The following TAS2R1 variants were observed in gnomAD, a reference collection of about 807,000 sequenced individuals.
The protein encoded by TAS2R1 is taste 2 receptor member 1, also known as taste receptor type 2 member 1.
For synonymous variants in TAS2R1, 141 were observed against 134.2 expected, an observed-to-expected ratio of 1.05 and a Z score of -0.35; for missense variants, 370 against 353.4, an observed-to-expected ratio of 1.05 and a Z score of -0.38.
the TAS2R1 span, among the ~76,000 whole-genome samples, chr5:9,896,520 C>A: frequency 3.3e-4 from 50 of 152,134 alleles, no homozygotes; most frequent in East Asian, 9.7e-3. Context: ...CTTCTCTAAC[C>A]GCCGACCCAA....
At chr5:9,820,095 G>C in the TAS2R1 span, among the ~76,000 whole-genome samples, 1 of 152,006 alleles carries the variant, frequency 6.6e-6, no homozygotes, top group African/African-American at 2.4e-5. Flanking sequence ...CAGAAGTCTG[G>C]AGAAAGGGGA....
the TAS2R1 span, among the ~76,000 whole-genome samples, chr5:9,858,634 T>C: frequency 6.6e-6 from 1 of 152,218 alleles, no homozygotes; most frequent in East Asian, 1.9e-4. Flanking sequence ...TAAAAATATC[T>C]TTAAAAAGCA....
At chr5:9,815,834 T>C in the TAS2R1 span, among the ~76,000 whole-genome samples, 2 of 152,186 alleles carry the variant, frequency 1.3e-5, no homozygotes, top group African/African-American at 4.8e-5. Flanking sequence ...AACAAAACTA[T>C]ATTTATATCT....
upstream of TAS2R1, among the ~76,000 whole-genome samples, chr5:9,632,351 G>A (rs1739887047): frequency 6.6e-6 from 1 of 152,184 alleles, no homozygotes; most frequent in South Asian, 2.1e-4. Flanking sequence ...TTGGTGTAGG[G>A]TCTTGCTTCA....
Position 9,629,458 on chromosome 5 carries a change from A to G in TAS2R1, c.575T>C (p.Phe192Ser). The G allele has an allele frequency of 1.9e-6, 3 of 1,614,206 alleles. No homozygotes were observed. The South Asian group carries it at 3.3e-5, about 18-fold the overall frequency. ...EFSVPLLIFL[F>S]AVLLLIFSLG... ...AGAGAAAATCAAGAGCAAAACAGCAAAAAGGAAGATAAGCAATGGCACTGA... is the reference window on the plus strand; with the variant it reads ...AGAGAAAATCAAGAGCAAAACAGCAGAAAGGAAGATAAGCAATGGCACTGA... Residue 192 changes from phenylalanine (F) to serine (S), a missense_variant, in exon 1 of 1, where the codon TTT (phenylalanine) becomes TCT (serine). By Grantham distance (155) the Phe-to-Ser change is radical (BLOSUM62 -2). Coordinates refer to ENST00000382492, the MANE Select transcript of TAS2R1 (RefSeq NM_019599.3).
chr5:9,725,199 CCCACTGTGGCGGCA>C, the TAS2R1 span, among the ~76,000 whole-genome samples: 11 of 152,242 alleles, frequency 7.2e-5, no homozygotes, highest in African/African-American at 2.7e-4. Flanking sequence ...TGCTTGGGCT[CCCACTGTGGCGGCA>C]CTTGAGCCCT....
intron 2 of TAS2R1, among the ~76,000 whole-genome samples, chr5:9,642,418 T>A (rs1740104192): frequency 6.6e-6 from 1 of 152,212 alleles, no homozygotes; most frequent in Admixed American, 6.5e-5. Context: ...ACATCCTTTC[T>A]GAATCTTCCC....
chr5:9,771,576 C>A, the TAS2R1 span, among the ~76,000 whole-genome samples: 3 of 151,900 alleles, frequency 2.0e-5, no homozygotes, highest in East Asian at 5.8e-4. Context: ...TCAGAATAGT[C>A]TGAGTAGTAT....
the TAS2R1 span, among the ~76,000 whole-genome samples, chr5:9,804,891 A>T: frequency 6.6e-6 from 1 of 152,122 alleles, no homozygotes; most frequent in East Asian, 1.9e-4. Context: ...AATAATCAAG[A>T]TCGAGCAGAA....
chr5:9,699,632 C>T (rs1561382698), intron 1 of TAS2R1, among the ~76,000 whole-genome samples: 1 of 151,996 alleles, frequency 6.6e-6, no homozygotes, highest in Non-Finnish European at 1.5e-5. Flanking sequence ...CATAGAAGGA[C>T]CAAGTGCTGC....
At chr5:9,751,320 T>C in the TAS2R1 span, among the ~76,000 whole-genome samples, 1 of 151,492 alleles carries the variant, frequency 6.6e-6, no homozygotes, top group Non-Finnish European at 1.5e-5. Context: ...CTGGATGATG[T>C]CACACACTGC....
the TAS2R1 span, among the ~76,000 whole-genome samples, chr5:9,797,161 C>A: frequency 6.6e-6 from 1 of 152,152 alleles, no homozygotes; most frequent in Non-Finnish European, 1.5e-5. Flanking sequence ...TAGACCAATG[C>A]TTCCAACCCA....
At chr5:9,677,066 T>C (rs572223734) in intron 1 of TAS2R1, among the ~76,000 whole-genome samples, 41 of 152,322 alleles carry the variant, frequency 2.7e-4, no homozygotes, top group African/African-American at 9.4e-4. Context: ...AATGGAATAC[T>C]ATGCAGCCAT....
At chr5:9,816,801 T>C in the TAS2R1 span, among the ~76,000 whole-genome samples, 1 of 152,298 alleles carries the variant, frequency 6.6e-6, no homozygotes, top group South Asian at 2.1e-4. Flanking sequence ...TGATCATTTA[T>C]ACACTGTAAA....
chr5:9,656,643 C>T (rs72731194), intron 2 of TAS2R1, among the ~76,000 whole-genome samples: 2,055 of 152,302 alleles, frequency 0.013, 15 homozygotes, highest in Non-Finnish European at 0.019. Context: ...ACCTGTGATT[C>T]TAATGTTAAT....
At chr5:9,864,977 C>T in the TAS2R1 span, among the ~76,000 whole-genome samples, 70 of 152,266 alleles carry the variant, frequency 4.6e-4, no homozygotes, top group African/African-American at 1.6e-3. Flanking sequence ...GATGGTTGAC[C>T]TCCTCATATC....
the TAS2R1 span, among the ~76,000 whole-genome samples, chr5:9,879,200 G>T: frequency 5.9e-5 from 9 of 152,228 alleles, no homozygotes; most frequent in Non-Finnish European, 1.3e-4. Flanking sequence ...AAATACACAT[G>T]GTGAACAAAC....
chr5:9,778,432 C>T, the TAS2R1 span, among the ~76,000 whole-genome samples: 1 of 152,170 alleles, frequency 6.6e-6, no homozygotes, highest in Non-Finnish European at 1.5e-5. Context: ...GCATTAGCCC[C>T]TAACAAGATA....
chr5:9,819,028 T>G, the TAS2R1 span, among the ~76,000 whole-genome samples: 2 of 152,172 alleles, frequency 1.3e-5, no homozygotes, highest in African/African-American at 4.8e-5. Flanking sequence ...TGAGAAAACA[T>G]CCCAAGTAAA....
Sources: allele counts gnomAD v4.1 joint callset (sites outside exome capture counted in the v4.1 genomes callset), GRCh38; gene constraint gnomAD v4.1.1; transcripts MANE v1.5; gene names NCBI Gene and HGNC (gene_info 2026-07-23, HGNC 2026-07-21).